Variants in CYREN observed in about 807,000 individuals in gnomAD.
CYREN encodes cell cycle regulator of NHEJ.
Under a neutral mutation model 9.7 loss-of-function variants are expected in CYREN, and 7 were observed. The ratio of observed to expected loss-of-function variants is 0.72; its 90% CI spans 0.41 to 1.36. The LOEUF (loss-of-function observed/expected upper bound fraction) is 1.36. Among genes scored for constraint, CYREN ranks in the 40% most tolerant of loss-of-function variants. The probability of loss-of-function intolerance (pLI) is 0.01; values close to 1 mark genes in which losing one functional copy is unlikely to be tolerated. For missense variants in CYREN, 215 were observed against 198.1 expected (o/e 1.09, Z -0.51); for synonymous variants, 76 against 77.9 (o/e 0.98, Z 0.13).
chr7:135,122,419 C>A (rs900154602), intron 2 of CYREN, among the ~76,000 whole-genome samples: 1 of 152,210 alleles, frequency 6.6e-6, no homozygotes, highest in Non-Finnish European at 1.5e-5. Context: ...GGAGGGGTGA[C>A]CACAGTCTTT....
intron 2 of CYREN, among the ~76,000 whole-genome samples, chr7:135,113,291 TAAACA>T (rs2117162790): frequency 6.6e-6 from 1 of 152,298 alleles, no homozygotes; most frequent in East Asian, 1.9e-4. Flanking sequence ...TTTTCAAACA[TAAACA>T]AAAGTAGAAA....
downstream of CYREN, among the ~76,000 whole-genome samples, chr7:135,162,656 GA>G (rs577880051): frequency 2.6e-5 from 4 of 152,238 alleles, no homozygotes; most frequent in East Asian, 5.8e-4. Flanking sequence ...CAGTATGGGG[GA>G]AACCCACCCC....
intron 2 of CYREN, chr7:135,115,695 A>G (rs1486201159): frequency 5.3e-6 from 6 of 1,138,170 alleles, no homozygotes; most frequent in East Asian, 2.7e-5. Context: ...TTATCCTACG[A>G]AAAAAAAATC....
intron 2 of CYREN, chr7:135,147,744 G>A (rs929454813): frequency 1.8e-5 from 8 of 455,934 alleles, no homozygotes; most frequent in Non-Finnish European, 3.5e-5. Context: ...CACACTGGCT[G>A]GGAGCTTGGA....
downstream of CYREN, among the ~76,000 whole-genome samples, chr7:135,162,995 A>G (rs1266965636): frequency 6.6e-6 from 1 of 152,242 alleles, no homozygotes; most frequent in African/African-American, 2.4e-5. Context: ...ACTAAAAGAT[A>G]TTTCTACCCT....
At position 135,166,385 on chromosome 7, in the gene CYREN, T is replaced by C. The variant is rs986088591; in HGVS notation, c.*226A>G. ...CACAGTACATACAGAGGGAGTCAAA[T>C]GGGATCTCATTTTGAGTCCTGCCTT... On this transcript the variant is annotated 3_prime_UTR_variant, in exon 4 of 4. Coordinates refer to ENST00000393114, the MANE Select transcript of CYREN (RefSeq NM_024033.4). 5.2e-5 allele frequency: 29 copies of C among 557,018 alleles called. No homozygotes were observed. Among genetic ancestry groups the C allele is most frequent in the South Asian group, 1.8e-4 (6 of 33,624 alleles). The allele number at this position is 557,018 out of a possible 1,614,324, so 34.5% of individuals were successfully genotyped here.
chr7:135,106,193 G>A (rs80331157), intron 2 of CYREN, among the ~76,000 whole-genome samples: 106 of 152,206 alleles, frequency 7.0e-4, no homozygotes, highest in Non-Finnish European at 1.3e-3. Context: ...TCTGAATTCC[G>A]CTCTTCCTAT....
chr7:135,171,317 T>TG (rs201949409), upstream of CYREN, among the ~76,000 whole-genome samples: 4,931 of 24,516 alleles, frequency 0.2, 252 homozygotes, highest in African/African-American at 0.23. Context: ...CTGTTTTTTT[T>TG]TTTTTTTTTA....
At chr7:135,115,882 T>C in intron 2 of CYREN, 1 of 306,776 alleles carries the variant, frequency 3.3e-6, no homozygotes, top group Non-Finnish European at 6.0e-6. Flanking sequence ...TAAAGTATGA[T>C]TATAGCCTGA....
At chr7:135,140,494 CAT>C (rs1829433412) in intron 2 of CYREN, among the ~76,000 whole-genome samples, 1 of 152,028 alleles carries the variant, frequency 6.6e-6, no homozygotes, top group South Asian at 2.1e-4. Context: ...GGTATAGAGT[CAT>C]ATAATCTGCA....
intron 2 of CYREN, among the ~76,000 whole-genome samples, chr7:135,158,426 G>A (rs1829848123): frequency 6.6e-6 from 1 of 152,276 alleles, no homozygotes; most frequent in East Asian, 1.9e-4. Flanking sequence ...GACCAGAGAG[G>A]GAGGAGCACC....
At chr7:135,132,305 A>C (rs188291292) in intron 2 of CYREN, among the ~76,000 whole-genome samples, 16 of 152,344 alleles carry the variant, frequency 1.1e-4, no homozygotes, top group African/African-American at 3.4e-4. Context: ...AAATAAAAAG[A>C]ATTATACACC....
chr7:135,116,476 A>G (rs547404127), intron 2 of CYREN, among the ~76,000 whole-genome samples: 1 of 152,362 alleles, frequency 6.6e-6, no homozygotes, highest in Non-Finnish European at 1.5e-5. Flanking sequence ...TGCAGTAGTA[A>G]AAACCCTGAC....
intron 3 of CYREN, chr7:135,167,236 G>C: frequency 9.1e-7 from 1 of 1,104,298 alleles, no homozygotes; most frequent in Non-Finnish European, 1.1e-6. Flanking sequence ...CCACACCACA[G>C]GGTTATTGCA....
chr7:135,123,963 C>T (rs1191405594), intron 2 of CYREN, among the ~76,000 whole-genome samples: 1 of 152,124 alleles, frequency 6.6e-6, no homozygotes, highest in East Asian at 1.9e-4. Flanking sequence ...AGACCAATGA[C>T]ACTATGAAGA....
intron 2 of CYREN, among the ~76,000 whole-genome samples, chr7:135,107,509 T>G (rs1400717791): frequency 1.3e-5 from 2 of 152,228 alleles, no homozygotes; most frequent in Non-Finnish European, 2.9e-5. Context: ...TTAGTTTCCC[T>G]GTAATTGCAT....
At chr7:135,112,291 A>C (rs989031964) in intron 2 of CYREN, among the ~76,000 whole-genome samples, 1 of 152,140 alleles carries the variant, frequency 6.6e-6, no homozygotes, top group Non-Finnish European at 1.5e-5. Context: ...AAAAATGCAA[A>C]CCTGATTTTC....
At chr7:135,092,733 T>C (rs1224363525) in exon 3 of CYREN, 1 of 151,122 alleles carries the variant, frequency 6.6e-6, no homozygotes, top group African/African-American at 2.4e-5. Flanking sequence ...TAAATTGAAC[T>C]TTTTTTTTAA....
At chr7:135,169,111 C>T (rs1419165037) in intron 1 of CYREN, 51 bp from the exon 2 acceptor site, 7 of 593,086 alleles carry the variant, frequency 1.2e-5, no homozygotes, top group Middle Eastern at 4.2e-4. Flanking sequence ...AGTCATCAGG[C>T]ACAGTTACTG....
Sources: allele counts gnomAD v4.1 joint callset (sites outside exome capture counted in the v4.1 genomes callset), GRCh38; gene constraint gnomAD v4.1.1; transcripts MANE v1.5; gene names NCBI Gene and HGNC (gene_info 2026-07-23, HGNC 2026-07-21).